The following ESRRA variants were observed in gnomAD, a reference collection of about 807,000 sequenced individuals.
ESRRA encodes the protein steroid hormone receptor ERR1.
ESRRA carries 7 observed loss-of-function variants against 35.6 expected under a neutral mutation model. The ratio of observed to expected loss-of-function variants is 0.20; its 90% CI spans 0.11 to 0.37. The LOEUF (loss-of-function observed/expected upper bound fraction) is 0.37, where lower values mean the gene tolerates loss of function less well. ESRRA is among the 10% of genes least tolerant of loss of function. The pLI is 1.00. For synonymous variants in ESRRA, 223 were observed against 246.9 expected (o/e 0.90, Z 0.91); for missense variants, 378 against 561.7 (o/e 0.67, Z 3.31).
Position 64,316,213 on chromosome 11 carries a change from G to A in ESRRA, c.*247G>A. 1 of 467,160 alleles carries A rather than the reference G, an allele frequency of 2.1e-6. No homozygotes were observed. The highest frequency in any genetic ancestry group is 3.8e-6 in the Non-Finnish European group (1 of 262,540). 28.9% of individuals were successfully genotyped at this position (467,160 alleles called of 1,614,324 possible). A position where few individuals can be genotyped will look rare whatever the true frequency, so the allele number is the denominator to read the frequency against. ...CCTTGCAAGCCATAACGTGCCCCCA[G>A]AGTGTAGGGGGCCTTGCGGAAGCCA... On this transcript the variant is annotated 3_prime_UTR_variant, in exon 7 of 7. Transcript: ENST00000000442.
chr11:64,312,626 G>A (rs1192392094), intron 2 of ESRRA, among the ~76,000 whole-genome samples: 1 of 152,218 alleles, frequency 6.6e-6, no homozygotes, highest in East Asian at 1.9e-4. Flanking sequence ...GCCAGTTCCT[G>A]CCCCGGTGGA....
chr11:64,314,411 A>G (rs774088019), intron 4 of ESRRA, 44 bp downstream of exon 4: 7 of 1,495,240 alleles, frequency 4.7e-6, no homozygotes, highest in African/African-American at 2.8e-5. Flanking sequence ...CCGGAGGCCT[A>G]TGTGTGGCAT....
rs554089174 is a variant in ESRRA, at chr11:64,305,586, G to C, written c.-163G>C. ...GTCCTTTTGTGTCCTACAAGCAGCC[G>C]GCGGCGCCGCCGAGTGAGGGGACGC... On this transcript the variant is annotated 5_prime_UTR_variant, in exon 1 of 7. Coordinates refer to ENST00000000442, the MANE Select transcript of ESRRA (RefSeq NM_004451.5). The surrounding 1 kb of genome is among the most constrained non-coding windows in gnomAD (Gnocchi z 5.8). 1 of 151,310 alleles carries C rather than the reference G, an allele frequency of 6.6e-6. No individual in the cohort carries two copies. Among genetic ancestry groups the C allele is most frequent in the African/African-American group, 2.4e-5 (1 of 41,296 alleles). 9.4% of individuals were successfully genotyped at this position (151,310 alleles called of 1,614,324 possible).
chr11:64,310,536 GTTTTTTT>G (rs1185768710), intron 2 of ESRRA, among the ~76,000 whole-genome samples: 22 of 100,486 alleles, frequency 2.2e-4, no homozygotes, highest in Non-Finnish European at 3.0e-4. Flanking sequence ...TCCTGGCCAG[GTTTTTTT>G]TTTTTTTTTT....
In ESRRA at chr11:64,314,882, T is replaced by A. The variant is rs1228294334; in HGVS notation, c.713T>A (p.Val238Asp). The A allele has an allele frequency of 6.2e-7, 1 of 1,612,426 alleles. No individual in the cohort carries two copies. The highest frequency in any genetic ancestry group is 1.7e-5 in the Admixed American group (1 of 60,026). ...GACCTCTTTGACCGAGAGATTGTGGTCACCATCAGCTGGGCCAAGAGCATC... is the reference window on the plus strand; with the variant it reads ...GACCTCTTTGACCGAGAGATTGTGGACACCATCAGCTGGGCCAAGAGCATC... Reference protein sequence around the residue: ...LCDLFDREIVVTISWAKSIPG... With the variant: ...LCDLFDREIVDTISWAKSIPG... The change falls in exon 5 of 7, where the codon GTC becomes GAC. Residue 238 changes from valine (V) to aspartate (D), a missense_variant. By Grantham distance (152) the Val-to-Asp change is radical. Transcript: ENST00000000442.
intron 2 of ESRRA, among the ~76,000 whole-genome samples, chr11:64,312,959 C>T (rs993642888): frequency 3.2e-4 from 48 of 152,248 alleles, no homozygotes; most frequent in African/African-American, 1.1e-3. Context: ...GACATAGGTT[C>T]GCTTTGGCTT....
intron 2 of ESRRA, among the ~76,000 whole-genome samples, chr11:64,308,179 TGA>T (rs2035070838): frequency 6.6e-6 from 1 of 152,076 alleles, no homozygotes; most frequent in Non-Finnish European, 1.5e-5. Context: ...TATCAGTACT[TGA>T]GAGGGGCTAC....
intron 6 of ESRRA, among the ~76,000 whole-genome samples, chr11:64,315,494 G>A (rs1307698185): frequency 6.6e-6 from 1 of 152,232 alleles, no homozygotes; most frequent in African/African-American, 2.4e-5. Flanking sequence ...TTAGTGGGAG[G>A]GAAGGTGGGG....
At position 64,313,566 on chromosome 11, in the gene ESRRA, G is replaced by A. The variant is rs1321481242; in HGVS notation, c.326-385G>A. 6.6e-6 allele frequency among the ~76,000 whole-genome samples: 1 copy of A among 152,194 alleles called. No individual in the cohort carries two copies. The highest frequency in any genetic ancestry group is 1.9e-4 in the East Asian group (1 of 5,194). On this transcript the variant is annotated intron_variant, in intron 2 of 6. Coordinates refer to ENST00000000442, the MANE Select transcript of ESRRA (RefSeq NM_004451.5). The surrounding 1 kb of genome is among the most constrained non-coding windows in gnomAD (Gnocchi z 4.0). ...AGAAGCAAAAGAAGAAAGTGTTTCA[G>A]TGTTTCTAGGAGCAGGAAGTGATCA...
chr11:64,310,236 C>T (rs1398627229), intron 2 of ESRRA, among the ~76,000 whole-genome samples: 3 of 147,094 alleles, frequency 2.0e-5, no homozygotes, highest in Admixed American at 6.8e-5. Context: ...CATTCCAGCA[C>T]GTTTTTTTTT....
intron 2 of ESRRA, among the ~76,000 whole-genome samples, chr11:64,312,438 C>A (rs2135256482): frequency 6.6e-6 from 1 of 152,348 alleles, no homozygotes; most frequent in Non-Finnish European, 1.5e-5. Context: ...CCGTGCCCGG[C>A]CGTGGTGTCT....
At chr11:64,314,615 TG>T in intron 4 of ESRRA, 125 bp from the exon 5 acceptor site, 1 of 1,028,610 alleles carries the variant, frequency 9.7e-7, no homozygotes, top group Non-Finnish European at 1.4e-6. Flanking sequence ...CGCTCTTCCC[TG>T]GAGGGAAGTC....
At chr11:64,308,612 T>A (rs2135250178) in intron 2 of ESRRA, among the ~76,000 whole-genome samples, 1 of 144,704 alleles carries the variant, frequency 6.9e-6, no homozygotes, top group East Asian at 2.1e-4. Context: ...GTCAGGAGAT[T>A]GAGAACATCC....
intron 2 of ESRRA, among the ~76,000 whole-genome samples, chr11:64,308,794 C>G (rs1351609407): frequency 2.5e-4 from 33 of 134,218 alleles, no homozygotes; most frequent in African/African-American, 8.8e-4. Context: ...CCAGCCTGGG[C>G]GACAGAGTGA....
At chr11:64,309,432 C>T (rs1338384157) in intron 2 of ESRRA, among the ~76,000 whole-genome samples, 1 of 56,282 alleles carries the variant, frequency 1.8e-5, no homozygotes, top group African/African-American at 4.0e-5. Flanking sequence ...ACACTCTCAT[C>T]TCAAAAAAAA....
chr11:64,316,551 A>G lies in ESRRA; in HGVS notation c.*585A>G. The G allele has an allele frequency of 3.3e-6, 1 of 306,072 alleles. No homozygotes were observed. The highest frequency in any genetic ancestry group is 3.4e-5 in the South Asian group (1 of 29,472). The allele number at this position is 306,072 out of a possible 1,614,324, so 19.0% of individuals were successfully genotyped here. ...CAGGGGGTAGGAGAGCACTGCCTCT[A>G]TGCCCTGCAGAGCAATAACACTATA... On this transcript the variant is annotated 3_prime_UTR_variant, in exon 7 of 7. Transcript: ENST00000000442.
chr11:64,307,559 C>A, intron 2 of ESRRA, 55 bp downstream of exon 2: 1 of 1,361,670 alleles, frequency 7.3e-7, no homozygotes, highest in Non-Finnish European at 9.7e-7. Flanking sequence ...GGGTACACTG[C>A]TGGGTGCAAT....
At position 64,313,209 on chromosome 11, in the gene ESRRA, G is replaced by A. The variant is rs1431841705; in HGVS notation, c.326-742G>A. On this transcript the variant is annotated intron_variant, in intron 2 of 6. Transcript: ENST00000000442. This position sits in a 1 kb window ranked among gnomAD's most constrained non-coding sequence, Gnocchi z 4.0. ...GCCCACCAGAATGTGTCGGTGGCTT[G>A]GATGTGGGGTGTGAGAGGAACCAGA... Among the ~76,000 whole-genome samples the A allele has an allele frequency of 6.6e-6, 1 of 152,162 alleles. No homozygotes were observed. The highest frequency in any genetic ancestry group is 1.5e-5 in the Non-Finnish European group (1 of 68,038).
At chr11:64,307,565 G>A (rs140830693) in intron 2 of ESRRA, 61 bp downstream of exon 2, 50 of 1,299,112 alleles carry the variant, frequency 3.8e-5, no homozygotes, top group Non-Finnish European at 4.6e-5. Flanking sequence ...ACTGCTGGGT[G>A]CAATAGGCCC....
Sources: gnomAD v4.1 joint callset for allele counts (sites outside exome capture counted in the v4.1 genomes callset) on GRCh38, gnomAD v4.1.1 for gene constraint, Gnocchi (gnomAD v3.1) non-coding constraint, MANE v1.5 for transcripts, NCBI Gene and HGNC (gene_info 2026-07-23, HGNC 2026-07-21) for gene names.